The following DCAF6 variants were observed in gnomAD, a reference collection of about 807,000 sequenced individuals.
DCAF6 encodes DDB1 and CUL4 associated factor 6.
Under a neutral mutation model 125.1 loss-of-function variants are expected in DCAF6, and 54 were observed. The ratio of observed to expected loss-of-function variants is 0.43; its 90% CI spans 0.35 to 0.54. The LOEUF (loss-of-function observed/expected upper bound fraction) is 0.54, where lower values mean the gene tolerates loss of function less well. DCAF6 is among the 20% of genes least tolerant of loss of function. The probability of loss-of-function intolerance (pLI) is 0.01; values close to 1 mark genes in which losing one functional copy is unlikely to be tolerated. For synonymous variants in DCAF6, 371 were observed against 390.4 expected (o/e 0.95, Z 0.58); for missense variants, 934 against 1,161.7 (o/e 0.80, Z 2.85).
At chr1:168,019,031 T>C (rs1049095256) in intron 11 of DCAF6, among the ~76,000 whole-genome samples, 2 of 152,028 alleles carry the variant, frequency 1.3e-5, no homozygotes, top group Non-Finnish European at 2.9e-5. Context: ...GCAGTACACA[T>C]GATAATGTAC....
chr1:167,934,877 A>G (rs1469637977), upstream of DCAF6, among the ~76,000 whole-genome samples: 1 of 152,186 alleles, frequency 6.6e-6, no homozygotes, highest in African/African-American at 2.4e-5. Context: ...TTTATAGAAG[A>G]GGTAACAGAA....
intron 2 of DCAF6, among the ~76,000 whole-genome samples, chr1:167,962,130 AATGTTTC>A (rs1215269655): frequency 6.6e-6 from 1 of 152,028 alleles, no homozygotes. Flanking sequence ...TGTCTTGGTA[AATGTTTC>A]ATGTGAGCTT....
intron 13 of DCAF6, among the ~76,000 whole-genome samples, chr1:168,039,610 T>C (rs1192943763): frequency 1.4e-5 from 2 of 147,740 alleles, no homozygotes; most frequent in African/African-American, 4.9e-5. Context: ...TGTATAATAT[T>C]TGTTAATATA....
chr1:168,072,463 A>C (rs1287642775), intron 21 of DCAF6, among the ~76,000 whole-genome samples: 6 of 151,850 alleles, frequency 4.0e-5, no homozygotes, highest in Admixed American at 3.9e-4. Context: ...TAATTTCTTT[A>C]TTTATTGTCT....
intron 12 of DCAF6, among the ~76,000 whole-genome samples, chr1:168,031,580 G>A (rs549393313): frequency 1.3e-5 from 2 of 152,290 alleles, no homozygotes; most frequent in South Asian, 4.1e-4. Flanking sequence ...GGAAGGAGAA[G>A]TTGTTAAAGG....
intron 2 of DCAF6, among the ~76,000 whole-genome samples, chr1:167,961,458 G>GA (rs1238751549): frequency 4.6e-5 from 7 of 152,088 alleles, no homozygotes; most frequent in Non-Finnish European, 1.0e-4. Context: ...TAGCCAGGAT[G>GA]TCTTGATCTC....
chr1:167,976,197 G>A (rs1571756128), intron 4 of DCAF6, among the ~76,000 whole-genome samples: 3 of 152,298 alleles, frequency 2.0e-5, no homozygotes, highest in African/African-American at 7.2e-5. Context: ...GGCCAGACGT[G>A]GTGGCTCACA....
At chr1:167,905,224 A>C in the DCAF6 span, 2 of 1,428,106 alleles carry the variant, frequency 1.4e-6, no homozygotes, top group Non-Finnish European at 2.0e-6. Context: ...AAATAGAGGA[A>C]ATCTGATATA....
the DCAF6 span, chr1:167,904,059 C>T: frequency 6.1e-6 from 6 of 986,722 alleles, no homozygotes; most frequent in Admixed American, 1.8e-5. Flanking sequence ...AAGAGGACTA[C>T]CCTGGAAGGC....
chr1:167,895,179 T>C, the DCAF6 span, among the ~76,000 whole-genome samples: 12 of 121,942 alleles, frequency 9.8e-5, no homozygotes, highest in East Asian at 2.6e-3. Flanking sequence ...AGACTCCATC[T>C]CAAAAAAAAA....
At chr1:167,899,442 G>C in the DCAF6 span, 1 of 1,614,080 alleles carries the variant, frequency 6.2e-7, no homozygotes, top group African/African-American at 1.3e-5. Flanking sequence ...TCTCTGATCT[G>C]GAACACTCTC....
At chr1:167,908,520 C>A in the DCAF6 span, among the ~76,000 whole-genome samples, 1 of 152,116 alleles carries the variant, frequency 6.6e-6, no homozygotes, top group Non-Finnish European at 1.5e-5. Flanking sequence ...GTATTATATA[C>A]TTCAAAATGG....
At chr1:167,926,567 T>TC in the DCAF6 span, among the ~76,000 whole-genome samples, 1 of 152,170 alleles carries the variant, frequency 6.6e-6, no homozygotes, top group Non-Finnish European at 1.5e-5. Context: ...ACCAGGAGTG[T>TC]CCCCCCAGGG....
chr1:167,926,438 G>A, the DCAF6 span, among the ~76,000 whole-genome samples: 1 of 152,248 alleles, frequency 6.6e-6, no homozygotes, highest in Non-Finnish European at 1.5e-5. Context: ...GGTTAAGGTT[G>A]GAATTGAAGA....
the DCAF6 span, among the ~76,000 whole-genome samples, chr1:167,897,563 AAGAGAT>A: frequency 0.33 from 4 of 12 alleles, no homozygotes; most frequent in Non-Finnish European, 0.5. Context: ...GGAGATGCAG[AAGAGAT>A]GAGAGAAAGC....
At chr1:167,928,758 TA>T in the DCAF6 span, among the ~76,000 whole-genome samples, 1 of 152,212 alleles carries the variant, frequency 6.6e-6, no homozygotes, top group African/African-American at 2.4e-5. Flanking sequence ...GTGATTATAA[TA>T]CCTTAATATT....
the DCAF6 span, among the ~76,000 whole-genome samples, chr1:167,913,118 C>T: frequency 6.6e-6 from 1 of 152,146 alleles, no homozygotes; most frequent in Non-Finnish European, 1.5e-5. Context: ...ATCAAGAATA[C>T]AGCATGAACA....
intron 13 of DCAF6, among the ~76,000 whole-genome samples, chr1:168,041,389 T>G (rs1274863525): frequency 6.6e-6 from 1 of 152,082 alleles, no homozygotes; most frequent in Admixed American, 6.6e-5. Context: ...GTTTTTCAGT[T>G]TACTTACAGT....
intron 10 of DCAF6, among the ~76,000 whole-genome samples, chr1:168,010,699 G>A (rs1684163664): frequency 6.6e-6 from 1 of 152,026 alleles, no homozygotes; most frequent in South Asian, 2.1e-4. Context: ...AGCTAAAACT[G>A]TATAGGTTAA....
Sources: allele counts gnomAD v4.1 joint callset (sites outside exome capture counted in the v4.1 genomes callset), GRCh38; gene constraint gnomAD v4.1.1; transcripts MANE v1.5; gene names NCBI Gene and HGNC (gene_info 2026-07-23, HGNC 2026-07-21).